INSL6: variants seen among roughly 807,000 people sequenced by gnomAD.
INSL6 encodes the protein insulin-like peptide INSL6.
A neutral mutation model predicts 9.4 loss-of-function variants in INSL6; 16 were observed. The ratio of observed to expected loss-of-function variants is 1.70; its 90% CI spans 1.15 to 2.59. The LOEUF (loss-of-function observed/expected upper bound fraction) is 2.59, where lower values mean the gene tolerates loss of function less well. INSL6 is among the 30% of genes most tolerant of loss of function. INSL6 has a pLI of 0.00. For missense variants in INSL6, 391 were observed against 257.3 expected, an observed-to-expected ratio of 1.52 and a Z score of -3.56; for synonymous variants, 154 against 96.9, an observed-to-expected ratio of 1.59 and a Z score of -3.46.
chr9:5,168,869 C>CA (rs1386021991), intron 1 of INSL6, among the ~76,000 whole-genome samples: 1 of 151,690 alleles, frequency 6.6e-6, no homozygotes, highest in East Asian at 1.9e-4. Context: ...ACACTAACAG[C>CA]AGGCCTCTCA....
the INSL6 span, among the ~76,000 whole-genome samples, chr9:5,062,406 C>CAT: frequency 2.1e-5 from 3 of 141,714 alleles, no homozygotes; most frequent in Non-Finnish European, 4.5e-5. Context: ...ATTACCAAAA[C>CAT]ATGACACATA....
downstream of INSL6, among the ~76,000 whole-genome samples, chr9:5,159,707 C>G (rs1824884410): frequency 6.6e-6 from 1 of 152,218 alleles, no homozygotes; most frequent in Admixed American, 6.5e-5. Flanking sequence ...CTCAAGACTT[C>G]AACACCCTGC....
intron 1 of INSL6, among the ~76,000 whole-genome samples, chr9:5,166,277 C>T (rs950488945): frequency 1.3e-5 from 2 of 151,768 alleles, no homozygotes; most frequent in African/African-American, 4.8e-5. Flanking sequence ...TTTCTAGGTC[C>T]ACTTCTATAC....
chr9:5,045,062 T>G, the INSL6 span, among the ~76,000 whole-genome samples: 2 of 152,240 alleles, frequency 1.3e-5, no homozygotes, highest in African/African-American at 2.4e-5. Flanking sequence ...ATTTTTGTAT[T>G]GTGTTGGTAT....
At chr9:5,065,810 A>G in the INSL6 span, among the ~76,000 whole-genome samples, 1,751 of 152,304 alleles carry the variant, frequency 0.011, 13 homozygotes, top group Non-Finnish European at 0.019. Context: ...ATCTGGGATC[A>G]TGAGCATATT....
the INSL6 span, among the ~76,000 whole-genome samples, chr9:5,045,568 C>G: frequency 1.3e-5 from 2 of 152,168 alleles, no homozygotes; most frequent in African/African-American, 4.8e-5. Flanking sequence ...AATAATAACT[C>G]TGTATTTCCC....
chr9:5,143,110 T>C (rs1824534565), intron 2 of INSL6, among the ~76,000 whole-genome samples: 1 of 152,132 alleles, frequency 6.6e-6, no homozygotes, highest in Non-Finnish European at 1.5e-5. Context: ...TTTTGAGGAT[T>C]TTTGTACTGA....
intron 1 of INSL6, among the ~76,000 whole-genome samples, chr9:5,180,271 CA>C (rs1172306042): frequency 1.3e-5 from 2 of 152,120 alleles, no homozygotes; most frequent in Non-Finnish European, 2.9e-5. Flanking sequence ...GTTAACTGTA[CA>C]AATTGATTGT....
the INSL6 span, among the ~76,000 whole-genome samples, chr9:5,012,798 G>T: frequency 6.6e-6 from 1 of 152,178 alleles, no homozygotes; most frequent in Non-Finnish European, 1.5e-5. Context: ...GTATGATGAG[G>T]TTGGAGAGGT....
chr9:5,050,704 C>T, the INSL6 span: 2 of 1,613,358 alleles, frequency 1.2e-6, no homozygotes, highest in African/African-American at 1.3e-5. Context: ...TGATTTTGTG[C>T]ACGGATGGAT....
chr9:5,076,579 G>A, the INSL6 span, among the ~76,000 whole-genome samples: 9 of 152,156 alleles, frequency 5.9e-5, no homozygotes, highest in African/African-American at 1.9e-4. Context: ...CCATTATAGT[G>A]TATATACAAG....
At position 5,164,053 on chromosome 9, in the gene INSL6, G is replaced by A. The variant is rs1248939122; in HGVS notation, c.502C>T (p.Gln168Ter). Reference protein sequence around the residue: ...LSNLFWGHHPQRKRRGYSEKC... With the variant: ...LSNLFWGHHP The stretch of plus-strand genomic sequence containing the variant: ...TCTGAATATCCTCTGCGTTTTCTTT[G>A]GGGATGATGCCCCCAAAACAAATTG... The change falls in exon 2 of 2, where the codon CAA becomes TAA. Residue 168 changes from glutamine to a stop codon, truncating the protein, a stop_gained. Transcript: ENST00000381641. LOFTEE classifies it low-confidence loss of function (END_TRUNC). 6.2e-7 allele frequency: 1 copy of A among 1,613,532 alleles called. No homozygotes were observed. The highest frequency in any genetic ancestry group is 1.7e-5 in the Admixed American group (1 of 60,006).
chr9:5,159,292 G>C (rs374803678), downstream of INSL6, among the ~76,000 whole-genome samples: 1 of 151,832 alleles, frequency 6.6e-6, no homozygotes, highest in African/African-American at 2.4e-5. Context: ...GTCCTTACTT[G>C]TCAATAACAA....
chr9:5,092,361 A>C, the INSL6 span, among the ~76,000 whole-genome samples: 1 of 152,148 alleles, frequency 6.6e-6, no homozygotes, highest in African/African-American at 2.4e-5. Flanking sequence ...AATAGAGGAG[A>C]TAAGTCGTAA....
the INSL6 span, chr9:5,090,945 A>G: frequency 7.1e-7 from 1 of 1,406,180 alleles, no homozygotes; most frequent in African/African-American, 1.5e-5. Flanking sequence ...ATGAAATTTT[A>G]GAGCACAGAC....
chr9:5,130,479 C>A (rs1278482206), intron 3 of INSL6, among the ~76,000 whole-genome samples: 1 of 152,046 alleles, frequency 6.6e-6, no homozygotes, highest in South Asian at 2.1e-4. Context: ...TTATCAGTTG[C>A]AGATGATAAG....
intron 1 of INSL6, among the ~76,000 whole-genome samples, chr9:5,177,029 T>G (rs1386355356): frequency 6.6e-6 from 1 of 152,202 alleles, no homozygotes; most frequent in Non-Finnish European, 1.5e-5. Flanking sequence ...AGTAATTTCA[T>G]GACTTTGATT....
chr9:5,004,919 T>A, the INSL6 span, among the ~76,000 whole-genome samples: 6 of 114,242 alleles, frequency 5.3e-5, no homozygotes, highest in Middle Eastern at 4.0e-3. Context: ...ACATATTGTC[T>A]TTTTTTTTTT....
the INSL6 span, among the ~76,000 whole-genome samples, chr9:4,997,462 C>G: frequency 6.6e-6 from 1 of 152,126 alleles, no homozygotes; most frequent in Non-Finnish European, 1.5e-5. Context: ...AAGGTGCACA[C>G]ACTTTTAAAC....
Sources: gnomAD v4.1 joint callset for allele counts (sites outside exome capture counted in the v4.1 genomes callset) on GRCh38, gnomAD v4.1.1 for gene constraint, MANE v1.5 for transcripts, NCBI Gene and HGNC (gene_info 2026-07-23, HGNC 2026-07-21) for gene names.